The following VPS53 variants were observed in gnomAD, a reference collection of about 807,000 sequenced individuals.
VPS53 encodes VPS53 subunit of GARP complex, also known as vacuolar protein sorting-associated protein 53 homolog.
Under a neutral mutation model 107.0 loss-of-function variants are expected in VPS53, and 70 were observed. That is an observed-to-expected ratio of 0.65 (90% CI 0.54 to 0.80). The LOEUF (loss-of-function observed/expected upper bound fraction) is 0.80, where lower values mean the gene tolerates loss of function less well. VPS53 is among the 30% of genes least tolerant of loss of function. The pLI is 0.00. For synonymous variants in VPS53, 409 were observed against 393.3 expected, an observed-to-expected ratio of 1.04 and a Z score of -0.47; for missense variants, 917 against 1,049.4, an observed-to-expected ratio of 0.87 and a Z score of 1.74.
chr17:687,157 C>T (rs557272641), intron 4 of VPS53, among the ~76,000 whole-genome samples: 4 of 151,766 alleles, frequency 2.6e-5, no homozygotes, highest in East Asian at 1.9e-4. Flanking sequence ...TGGTGGTGGT[C>T]GCCTGTAATC....
intron 12 of VPS53, among the ~76,000 whole-genome samples, chr17:590,526 G>A (rs1318125933): frequency 6.6e-6 from 1 of 152,044 alleles, no homozygotes; most frequent in African/African-American, 2.4e-5. Flanking sequence ...GTCATAGATA[G>A]CGCTTATGAT....
chr17:702,904 T>C (rs757965492), intron 2 of VPS53, among the ~76,000 whole-genome samples: 10 of 151,682 alleles, frequency 6.6e-5, no homozygotes, highest in African/African-American at 1.2e-4. Context: ...AACGTTAAGA[T>C]TGGGAACTAT....
intron 1 of VPS53, 56 bp downstream of exon 1, chr17:714,567 G>T: frequency 6.6e-7 from 1 of 1,525,108 alleles, no homozygotes. Flanking sequence ...AGCGCCCGGA[G>T]CTGCCGTCTC....
intron 1 of VPS53, among the ~76,000 whole-genome samples, chr17:713,513 C>T (rs1973718043): frequency 2.0e-5 from 3 of 151,668 alleles, no homozygotes; most frequent in South Asian, 2.1e-4. Flanking sequence ...ATTAGCTAGG[C>T]ATGGTAGCGG....
intron 15 of VPS53, 129 bp downstream of exon 15, chr17:560,285 AGCTTTCCTCTGT>A: frequency 8.9e-7 from 1 of 1,128,876 alleles, no homozygotes; most frequent in Non-Finnish European, 1.2e-6. Context: ...CTGGACACTG[AGCTTTCCTCTGT>A]GGCAGGCCAA....
At chr17:697,971 C>G (rs980643423) in intron 3 of VPS53, among the ~76,000 whole-genome samples, 6 of 152,164 alleles carry the variant, frequency 3.9e-5, no homozygotes, top group Non-Finnish European at 7.3e-5. Context: ...CCTCTGCCCC[C>G]ACGGTTCACA....
intron 13 of VPS53, among the ~76,000 whole-genome samples, chr17:564,192 C>T (rs538765379): frequency 2.0e-5 from 3 of 151,596 alleles, no homozygotes; most frequent in South Asian, 2.1e-4. Flanking sequence ...GCCAGGAGTT[C>T]GAGACCAGCC....
intron 14 of VPS53, among the ~76,000 whole-genome samples, chr17:561,527 A>G (rs1048558649): frequency 1.5e-4 from 23 of 152,256 alleles, no homozygotes; most frequent in African/African-American, 5.5e-4. Context: ...ACAAACAAAC[A>G]AAAGCACACA....
At chr17:557,147 C>T (rs1912513401) in intron 15 of VPS53, among the ~76,000 whole-genome samples, 1 of 152,228 alleles carries the variant, frequency 6.6e-6, no homozygotes, top group Admixed American at 6.5e-5. Flanking sequence ...GCCACCGCGC[C>T]CCCACTCTTC....
chr17:665,795 A>C (rs1406456300), intron 4 of VPS53, among the ~76,000 whole-genome samples: 1 of 152,194 alleles, frequency 6.6e-6, no homozygotes, highest in East Asian at 1.9e-4. Context: ...GCCTGAGGTC[A>C]AGAGTTCAAG....
At chr17:624,995 CTT>C (rs56344843) in intron 10 of VPS53, among the ~76,000 whole-genome samples, 12 of 108,988 alleles carry the variant, frequency 1.1e-4, no homozygotes, top group Non-Finnish European at 7.2e-5. Flanking sequence ...TCTCTCTCTT[CTT>C]TTTTTTTTTT....
At chr17:688,080 C>T (rs1344755877) in intron 4 of VPS53, among the ~76,000 whole-genome samples, 1 of 152,118 alleles carries the variant, frequency 6.6e-6, no homozygotes. Context: ...TTAGAGGATA[C>T]GTGGCAAAGT....
At position 515,804 on chromosome 17, in the gene VPS53, CT is replaced by C. The variant is rs34920740; in HGVS notation, c.*3323del. 18 of 147,874 alleles carry C rather than the reference CT, an allele frequency of 1.2e-4. No individual in the cohort carries two copies. The highest frequency in any genetic ancestry group is 2.1e-4 in the South Asian group (1 of 4,698). 9.2% of individuals were successfully genotyped at this position (147,874 alleles called of 1,614,324 possible). On this transcript the variant is annotated 3_prime_UTR_variant, in exon 22 of 22. Coordinates refer to ENST00000437048, the MANE Select transcript of VPS53 (RefSeq NM_001128159.3). The stretch of plus-strand genomic sequence containing the variant: ...CATGGTCCCCACCACCACCAAAAGT[CT>C]TTTTTTTTTAACTGAGTCTCACTCT...
intron 5 of VPS53, chr17:657,515 C>A: frequency 6.7e-7 from 1 of 1,489,478 alleles, no homozygotes; most frequent in Non-Finnish European, 9.4e-7. Flanking sequence ...GAGCTGCTAC[C>A]CGCTTCAGAT....
chr17:578,760 G>C (rs1430126891), intron 13 of VPS53, among the ~76,000 whole-genome samples: 2 of 151,486 alleles, frequency 1.3e-5, no homozygotes, highest in African/African-American at 4.9e-5. Flanking sequence ...TGCGATCCCA[G>C]AGAACATCCC....
At chr17:682,810 C>G (rs1318952622) in intron 4 of VPS53, among the ~76,000 whole-genome samples, 1 of 152,062 alleles carries the variant, frequency 6.6e-6, no homozygotes, top group Non-Finnish European at 1.5e-5. Context: ...ACAAAGCAAC[C>G]AACAGAACCT....
At chr17:680,252 C>T (rs1972335962) in intron 4 of VPS53, among the ~76,000 whole-genome samples, 1 of 152,180 alleles carries the variant, frequency 6.6e-6, no homozygotes, top group African/African-American at 2.4e-5. Flanking sequence ...CAAGATCGCA[C>T]TACTGCACTC....
chr17:530,187 C>T (rs1909431945), intron 19 of VPS53, among the ~76,000 whole-genome samples: 1 of 140,102 alleles, frequency 7.1e-6, no homozygotes, highest in South Asian at 2.2e-4. Flanking sequence ...ATCACTCAGG[C>T]TGGAGTGCAG....
intron 7 of VPS53, among the ~76,000 whole-genome samples, chr17:635,575 A>C (rs1970164240): frequency 6.6e-6 from 1 of 152,174 alleles, no homozygotes; most frequent in Non-Finnish European, 1.5e-5. Context: ...ATTTTTGTAT[A>C]AGGTGTAAGG....
Sources: allele counts gnomAD v4.1 joint callset (sites outside exome capture counted in the v4.1 genomes callset), GRCh38; gene constraint gnomAD v4.1.1; transcripts MANE v1.5; gene names NCBI Gene and HGNC (gene_info 2026-07-23, HGNC 2026-07-21).